CMSS1: variants seen among roughly 807,000 people sequenced by gnomAD.
CMSS1 encodes the protein cms1 ribosomal small subunit homolog.
Under a neutral mutation model 43.5 loss-of-function variants are expected in CMSS1, and 33 were observed. The ratio of observed to expected loss-of-function variants is 0.76; its 90% confidence interval spans 0.57 to 1.01. The LOEUF (loss-of-function observed/expected upper bound fraction) is 1.01. Ranked by LOEUF, CMSS1 falls within the 50% of genes least tolerant of loss-of-function variation. The pLI, the probability that CMSS1 is intolerant of heterozygous loss-of-function variation, is 0.00. For synonymous variants in CMSS1, 115 were observed against 117.2 expected (o/e 0.98, Z 0.12); for missense variants, 313 against 326.4 (o/e 0.96, Z 0.32).
At chr3:99,871,829 C>T (rs1271941325) in intron 1 of CMSS1, among the ~76,000 whole-genome samples, 1 of 152,270 alleles carries the variant, frequency 6.6e-6, no homozygotes, top group East Asian at 1.9e-4. Flanking sequence ...ATTTGCCAGC[C>T]GGAGGACCTT....
chr3:99,999,937 A>T (rs1176647836), intron 1 of CMSS1, among the ~76,000 whole-genome samples: 1 of 152,192 alleles, frequency 6.6e-6, no homozygotes, highest in Non-Finnish European at 1.5e-5. Flanking sequence ...GTTTGTGTTG[A>T]CATAAAGGTA....
intron 1 of CMSS1, among the ~76,000 whole-genome samples, chr3:100,055,398 C>G (rs1382278897): frequency 6.6e-6 from 1 of 152,174 alleles, no homozygotes; most frequent in Non-Finnish European, 1.5e-5. Flanking sequence ...TGGCCATATG[C>G]TCTTCTCGGA....
chr3:100,160,544 T>C (rs2067014885), intron 3 of CMSS1, 43 bp downstream of exon 3: 1 of 938,022 alleles, frequency 1.1e-6, no homozygotes, highest in Non-Finnish European at 1.7e-6. Context: ...CCCACATGGT[T>C]TCCATCACAT....
chr3:99,993,811 C>A (rs910378868), intron 1 of CMSS1, among the ~76,000 whole-genome samples: 1 of 152,016 alleles, frequency 6.6e-6, no homozygotes, highest in Non-Finnish European at 1.5e-5. Flanking sequence ...TCCTTGCATC[C>A]CTGGGATAAA....
intron 1 of CMSS1, among the ~76,000 whole-genome samples, chr3:100,066,303 T>C (rs1055831123): frequency 2.6e-5 from 4 of 152,210 alleles, no homozygotes; most frequent in African/African-American, 9.6e-5. Flanking sequence ...TAAAACCTCT[T>C]ACAGAAATTA....
Position 100,176,422 on chromosome 3 carries a change from C to T in CMSS1, c.756+7C>T, listed in dbSNP as rs1465348267. ...AATGATGGACATTCCCGAGGTACCA[C>T]GTAACCAGCAGTTGCCTTTAATCAT... On this transcript the variant is annotated splice_region_variant and intron_variant, in intron 9 of 9. Transcript: ENST00000421999. The T allele has an allele frequency of 1.9e-5, 31 of 1,592,384 alleles. No individual in the cohort carries two copies. Among genetic ancestry groups the T allele is most frequent in the Middle Eastern group, 1.7e-4 (1 of 6,038 alleles).
chr3:99,880,477 CAG>C (rs1705687178), intron 1 of CMSS1, among the ~76,000 whole-genome samples: 1 of 152,070 alleles, frequency 6.6e-6, no homozygotes. Context: ...ATATGGTCCG[CAG>C]AGTTTCCAGA....
chr3:100,149,395 A>G (rs1414350024), intron 2 of CMSS1, among the ~76,000 whole-genome samples: 3 of 152,198 alleles, frequency 2.0e-5, no homozygotes, highest in African/African-American at 7.2e-5. Flanking sequence ...CTTTCAGCTC[A>G]GGAAAATTGG....
intron 1 of CMSS1, among the ~76,000 whole-genome samples, chr3:100,039,112 G>A (rs1158565392): frequency 3.9e-5 from 6 of 152,196 alleles, no homozygotes; most frequent in Non-Finnish European, 8.8e-5. Flanking sequence ...GCTTTCACCA[G>A]TGTTGTATTG....
chr3:100,139,819 C>T (rs1056732686), intron 1 of CMSS1, among the ~76,000 whole-genome samples: 1 of 150,556 alleles, frequency 6.6e-6, no homozygotes, highest in Non-Finnish European at 1.5e-5. Context: ...AAAAATCCAG[C>T]CAGGACAAGT....
intron 1 of CMSS1, among the ~76,000 whole-genome samples, chr3:99,835,744 G>A (rs1247978520): frequency 6.6e-6 from 1 of 152,036 alleles, no homozygotes. Context: ...GCATAGGAGG[G>A]GTAACAAATA....
chr3:100,099,737 T>C (rs1042103833), intron 1 of CMSS1, among the ~76,000 whole-genome samples: 1 of 152,160 alleles, frequency 6.6e-6, no homozygotes, highest in Non-Finnish European at 1.5e-5. Flanking sequence ...AGGGATAAGA[T>C]TAAAACCTCT....
At chr3:100,128,125 C>G (rs2066677380) in intron 1 of CMSS1, among the ~76,000 whole-genome samples, 1 of 152,220 alleles carries the variant, frequency 6.6e-6, no homozygotes, top group Non-Finnish European at 1.5e-5. Flanking sequence ...ACTGTCCAGG[C>G]AAAGTGCTTA....
chr3:99,841,200 C>T (rs1943114430), intron 1 of CMSS1, among the ~76,000 whole-genome samples: 1 of 152,218 alleles, frequency 6.6e-6, no homozygotes, highest in South Asian at 2.1e-4. Flanking sequence ...GGATCGTTTC[C>T]ACTCACTTGA....
intron 1 of CMSS1, among the ~76,000 whole-genome samples, chr3:99,915,047 CA>C (rs1706909117): frequency 6.6e-6 from 1 of 152,148 alleles, no homozygotes; most frequent in African/African-American, 2.4e-5. Flanking sequence ...CTTTTAGGAT[CA>C]TTTTTTTTCT....
At chr3:99,880,810 G>C (rs1705700373) in intron 1 of CMSS1, among the ~76,000 whole-genome samples, 2 of 152,022 alleles carry the variant, frequency 1.3e-5, no homozygotes, top group South Asian at 4.2e-4. Flanking sequence ...TCAATGTACT[G>C]TGTTTCTTTT....
chr3:100,035,472 C>T (rs1299623222), intron 1 of CMSS1, among the ~76,000 whole-genome samples: 1 of 152,156 alleles, frequency 6.6e-6, no homozygotes, highest in African/African-American at 2.4e-5. Flanking sequence ...AGGGTTTCAC[C>T]ATGTTGGCCA....
intron 1 of CMSS1, among the ~76,000 whole-genome samples, chr3:99,982,828 A>G (rs1320200923): frequency 6.6e-6 from 1 of 152,226 alleles, no homozygotes; most frequent in Non-Finnish European, 1.5e-5. Context: ...GCCCAACCCT[A>G]TGAAATGGTA....
In CMSS1 at chr3:99,924,247, T is replaced by C. The variant is rs974335232; in HGVS notation, c.64+106204T>C. On this transcript the variant is annotated intron_variant, in intron 1 of 9. Coordinates refer to ENST00000421999, the MANE Select transcript of CMSS1 (RefSeq NM_032359.4). ...AGCCTTACCTTTCACATTCCTGTTC[T>C]AGTAGGCATATGAATTCATCACTCT... The C allele has an allele frequency of 3.7e-6, 6 of 1,613,686 alleles. No homozygotes were observed. In the Admixed American group the frequency reaches 8.3e-5, roughly 22 times the overall value.
Sources: allele counts gnomAD v4.1 joint callset (sites outside exome capture counted in the v4.1 genomes callset), GRCh38; gene constraint gnomAD v4.1.1; transcripts MANE v1.5; gene names NCBI Gene and HGNC (gene_info 2026-07-23, HGNC 2026-07-21).